The following MGAT4C variants were observed in gnomAD, a reference collection of about 807,000 sequenced individuals.
The protein encoded by MGAT4C is alpha-1,3-mannosyl-glycoprotein 4-beta-N-acetylglucosaminyltransferase C.
A neutral mutation model predicts 40.1 loss-of-function variants in MGAT4C; 19 were observed. That is an observed-to-expected ratio of 0.47 (90% confidence interval 0.33 to 0.70). The LOEUF (loss-of-function observed/expected upper bound fraction) is 0.70. Among genes scored for constraint, MGAT4C ranks in the 30% least tolerant of loss-of-function variants. The pLI, the probability that MGAT4C is intolerant of heterozygous loss-of-function variation, is 0.02. For synonymous variants in MGAT4C, 181 were observed against 187.1 expected (o/e 0.97, Z 0.27); for missense variants, 491 against 563.2 (o/e 0.87, Z 1.30).
intron 4 of MGAT4C, among the ~76,000 whole-genome samples, chr12:86,320,202 T>G (rs1481306749): frequency 1.3e-5 from 2 of 152,116 alleles, no homozygotes; most frequent in African/African-American, 2.4e-5. Context: ...TAATCCTGTC[T>G]GAGAAAAAAA....
intron 1 of MGAT4C, among the ~76,000 whole-genome samples, chr12:86,786,204 C>T (rs35817091): frequency 0.011 from 1,625 of 152,106 alleles, 23 homozygotes; most frequent in African/African-American, 0.037. Context: ...AATGCAATGT[C>T]GTAGATACTA....
chr12:86,689,974 T>C (rs1383906668), intron 2 of MGAT4C, among the ~76,000 whole-genome samples: 1 of 152,188 alleles, frequency 6.6e-6, no homozygotes. Context: ...TACAAGCCCC[T>C]GATTGAGGCT....
At chr12:86,631,675 A>C (rs1565894583) in intron 2 of MGAT4C, among the ~76,000 whole-genome samples, 1 of 152,050 alleles carries the variant, frequency 6.6e-6, no homozygotes. Context: ...TATTTAATAA[A>C]TGGTGCTGGG....
intron 2 of MGAT4C, among the ~76,000 whole-genome samples, chr12:86,582,517 ACAGT>A (rs1345403220): frequency 6.6e-6 from 1 of 151,412 alleles, no homozygotes; most frequent in East Asian, 1.9e-4. Flanking sequence ...CAAATGGGTA[ACAGT>A]TGGAAGGGAA....
At chr12:86,119,710 C>T in intron 1 of MGAT4C, among the ~76,000 whole-genome samples, 1 of 150,726 alleles carries the variant, frequency 6.6e-6, no homozygotes, top group East Asian at 1.9e-4. Context: ...TGCCCGGCCC[C>T]CTCCCACCAT....
At chr12:86,249,523 C>A (rs947446763) in intron 1 of MGAT4C, among the ~76,000 whole-genome samples, 3 of 152,146 alleles carry the variant, frequency 2.0e-5, no homozygotes, top group African/African-American at 7.2e-5. Flanking sequence ...TGATCCATCT[C>A]ATCACAGCCC....
At chr12:86,500,952 G>A (rs1057167331) in intron 2 of MGAT4C, among the ~76,000 whole-genome samples, 1 of 151,998 alleles carries the variant, frequency 6.6e-6, no homozygotes, top group African/African-American at 2.4e-5. Flanking sequence ...ATTGAAAAAT[G>A]AAATAGATAA....
intron 2 of MGAT4C, among the ~76,000 whole-genome samples, chr12:86,510,852 T>A (rs1385069470): frequency 1.3e-5 from 2 of 151,856 alleles, no homozygotes; most frequent in Non-Finnish European, 2.9e-5. Flanking sequence ...AAGTCCTGGG[T>A]GACCTACAAA....
chr12:86,104,457 TAAC>T lies in MGAT4C; in HGVS notation c.-56-54737_-56-54735del, dbSNP rs1875768131. Among the ~76,000 whole-genome samples the T allele has an allele frequency of 4.6e-5, 7 of 151,628 alleles. 1 individual carries two copies. Among genetic ancestry groups the T allele is most frequent in the Admixed American group, 3.9e-4 (6 of 15,204 alleles). ...CCTGTCTCAAGAAAAAACAAACAAA[TAAC>T]AACAAAAAAATTGTCTCGTAATATT... On this transcript the variant is annotated intron_variant, in intron 1 of 4. Coordinates refer to ENST00000611864, the MANE Select transcript of MGAT4C (RefSeq NM_001351288.2).
At chr12:86,804,679 G>A (rs555693236) in intron 1 of MGAT4C, among the ~76,000 whole-genome samples, 2 of 151,812 alleles carry the variant, frequency 1.3e-5, no homozygotes, top group Admixed American at 1.3e-4. Flanking sequence ...TTTATTTACA[G>A]TAATTTCTAA....
chr12:86,253,596 T>C (rs1354183406), intron 1 of MGAT4C, among the ~76,000 whole-genome samples: 3 of 151,958 alleles, frequency 2.0e-5, no homozygotes, highest in Non-Finnish European at 4.4e-5. Context: ...TTAAAATGCA[T>C]AAAAACATTA....
intron 1 of MGAT4C, among the ~76,000 whole-genome samples, chr12:86,124,504 T>C (rs188337371): frequency 3.5e-4 from 53 of 152,262 alleles, no homozygotes; most frequent in African/African-American, 9.9e-4. Flanking sequence ...TTTTGTTTGT[T>C]GGTTGGTTTG....
chr12:86,810,256 T>C (rs916882889), intron 1 of MGAT4C, among the ~76,000 whole-genome samples: 2 of 151,976 alleles, frequency 1.3e-5, no homozygotes, highest in Non-Finnish European at 2.9e-5. Context: ...TGATTTCTTA[T>C]GTTATAAGAA....
intron 4 of MGAT4C, among the ~76,000 whole-genome samples, chr12:86,297,942 A>G (rs1953719183): frequency 6.6e-6 from 1 of 152,180 alleles, no homozygotes; most frequent in South Asian, 2.1e-4. Flanking sequence ...AAAGTCAGTG[A>G]TGGGAAAAAA....
intron 2 of MGAT4C, among the ~76,000 whole-genome samples, chr12:86,642,291 T>G (rs1342408163): frequency 6.6e-6 from 1 of 151,826 alleles, no homozygotes; most frequent in African/African-American, 2.4e-5. Flanking sequence ...TCCTGATCAG[T>G]TTAAATGACC....
intron 1 of MGAT4C, among the ~76,000 whole-genome samples, chr12:86,080,223 C>T (rs1169805232): frequency 3.3e-5 from 5 of 152,108 alleles, no homozygotes; most frequent in Non-Finnish European, 7.3e-5. Flanking sequence ...AACATTCTGG[C>T]TTTAGTTATA....
At chr12:86,818,368 G>A (rs1952644156) in intron 1 of MGAT4C, among the ~76,000 whole-genome samples, 2 of 151,242 alleles carry the variant, frequency 1.3e-5, no homozygotes, top group Admixed American at 6.6e-5. Context: ...GTGAACAGGT[G>A]AAACCATTCT....
At chr12:86,690,189 C>T (rs972898002) in intron 2 of MGAT4C, among the ~76,000 whole-genome samples, 8 of 152,118 alleles carry the variant, frequency 5.3e-5, no homozygotes, top group Non-Finnish European at 7.3e-5. Flanking sequence ...AGTCCCAGGT[C>T]GACTTCAGAC....
chr12:86,593,112 T>C (rs1961397880), intron 2 of MGAT4C, among the ~76,000 whole-genome samples: 2 of 152,096 alleles, frequency 1.3e-5, no homozygotes, highest in African/African-American at 4.8e-5. Context: ...TCTGGTTTCC[T>C]TGATTTTTTA....
Sources: allele counts gnomAD v4.1 joint callset (sites outside exome capture counted in the v4.1 genomes callset), GRCh38; gene constraint gnomAD v4.1.1; transcripts MANE v1.5; gene names NCBI Gene and HGNC (gene_info 2026-07-23, HGNC 2026-07-21).